Variants in L3MBTL3 observed in about 807,000 individuals in gnomAD.
L3MBTL3 encodes L3MBTL histone methyl-lysine binding protein 3.
A neutral mutation model predicts 102.3 loss-of-function variants in L3MBTL3; 27 were observed. The observed-to-expected ratio is 0.26, with a 90% CI of 0.19 to 0.36. L3MBTL3 has a LOEUF of 0.36. Ranked by LOEUF, L3MBTL3 falls within the 10% of genes least tolerant of loss-of-function variation. The probability of loss-of-function intolerance (pLI) is 1.00; values close to 1 mark genes in which losing one functional copy is unlikely to be tolerated. For synonymous variants in L3MBTL3, 340 were observed against 320.9 expected (o/e 1.06, Z -0.64); for missense variants, 798 against 955.3 (o/e 0.84, Z 2.17).
chr6:130,087,391 A>AT (rs1393971824), intron 16 of L3MBTL3, among the ~76,000 whole-genome samples: 2 of 152,138 alleles, frequency 1.3e-5, no homozygotes, highest in Non-Finnish European at 2.9e-5. Context: ...AACTAGAAGT[A>AT]TTTTTTAAAA....
intron 15 of L3MBTL3, among the ~76,000 whole-genome samples, chr6:130,084,684 A>G (rs1783568232): frequency 6.6e-6 from 1 of 152,202 alleles, no homozygotes; most frequent in African/African-American, 2.4e-5. Context: ...ATTACACTTC[A>G]CTTTAAACGA....
chr6:130,099,066 G>A (rs1473030051), intron 18 of L3MBTL3, among the ~76,000 whole-genome samples: 3 of 151,884 alleles, frequency 2.0e-5, no homozygotes, highest in South Asian at 2.1e-4. Flanking sequence ...CAGTGAATAA[G>A]GCATCCTTCT....
At chr6:130,083,238 A>T (rs1051612199) in intron 14 of L3MBTL3, among the ~76,000 whole-genome samples, 7 of 152,154 alleles carry the variant, frequency 4.6e-5, no homozygotes, top group Non-Finnish European at 8.8e-5. Flanking sequence ...ACATTTGTAT[A>T]TTGAAGGTCA....
intron 2 of L3MBTL3, among the ~76,000 whole-genome samples, chr6:130,039,755 A>T (rs1432023946): frequency 6.6e-6 from 1 of 152,154 alleles, no homozygotes; most frequent in African/African-American, 2.4e-5. Flanking sequence ...AATCTCTTTA[A>T]TGTCTAATTT....
intron 9 of L3MBTL3, among the ~76,000 whole-genome samples, chr6:130,058,401 G>A (rs1367019802): frequency 6.6e-6 from 1 of 151,822 alleles, no homozygotes; most frequent in East Asian, 1.9e-4. Flanking sequence ...ACTTTGGGAA[G>A]TTGAGGCAGT....
chr6:130,094,341 G>A lies in L3MBTL3; in HGVS notation c.1710G>A (p.Lys570=). The change falls in exon 18 of 23, where the codon AAG becomes AAA. Residue 570 remains lysine, a synonymous_variant. Coordinates refer to ENST00000361794, the MANE Select transcript of L3MBTL3 (RefSeq NM_032438.4). ...TPGCKGIGHF[K]RARHLGPHSA... ...GATGTAAAGGGATTGGCCATTTCAA[G>A]AGAGCGAGACATCTGGGCCCTCACA... The A allele has an allele frequency of 6.2e-7, 1 of 1,613,806 alleles. No individual in the cohort carries two copies. Among genetic ancestry groups the A allele is most frequent in the African/African-American group, 1.3e-5 (1 of 75,038 alleles).
At chr6:130,029,515 T>G (rs1454982227) in intron 2 of L3MBTL3, among the ~76,000 whole-genome samples, 1 of 152,144 alleles carries the variant, frequency 6.6e-6, no homozygotes, top group Non-Finnish European at 1.5e-5. Context: ...TTGTTGGCAG[T>G]TAAATTTTTT....
chr6:130,074,519 G>A (rs1047414448), intron 13 of L3MBTL3, among the ~76,000 whole-genome samples: 1 of 152,180 alleles, frequency 6.6e-6, no homozygotes, highest in Non-Finnish European at 1.5e-5. Flanking sequence ...TCAGTACCAC[G>A]GGGAGGGTAC....
intron 20 of L3MBTL3, among the ~76,000 whole-genome samples, chr6:130,125,007 A>T (rs1786500079): frequency 6.6e-6 from 1 of 152,070 alleles, no homozygotes; most frequent in African/African-American, 2.4e-5. Flanking sequence ...TTAACAGCTC[A>T]TTTGGTAACC....
intron 11 of L3MBTL3, among the ~76,000 whole-genome samples, chr6:130,067,842 C>G (rs1287285108): frequency 6.6e-6 from 1 of 152,294 alleles, no homozygotes; most frequent in African/African-American, 2.4e-5. Context: ...AATTTGCCAG[C>G]ATCCTTACTT....
chr6:130,107,224 TCAC>T, intron 19 of L3MBTL3, among the ~76,000 whole-genome samples: 2 of 152,090 alleles, frequency 1.3e-5, no homozygotes, highest in African/African-American at 4.8e-5. Context: ...CTTGACTCAC[TCAC>T]TTTCTGTACC....
Position 130,068,430 on chromosome 6 carries a change from A to G in L3MBTL3, c.1092+9A>G, listed in dbSNP as rs1244098147. 2.7e-6 allele frequency: 4 copies of G among 1,459,550 alleles called. No homozygotes were observed. The highest frequency in any genetic ancestry group is 1.7e-4 in the Middle Eastern group (1 of 5,768). The allele number at this position is 1,459,550 out of a possible 1,614,324, so 90.4% of individuals were successfully genotyped here. A position where few individuals can be genotyped will look rare whatever the true frequency, so the allele number is the denominator to read the frequency against. On this transcript the variant is annotated intron_variant, in intron 12 of 22. Coordinates refer to ENST00000361794, the MANE Select transcript of L3MBTL3 (RefSeq NM_032438.4). ...TTGAAAATCAGAATATAGTAAGTAC[A>G]TACGAAACACGTTTTCTTTCAAAGG...
intron 13 of L3MBTL3, among the ~76,000 whole-genome samples, chr6:130,073,647 G>A (rs1468943355): frequency 2.0e-5 from 3 of 152,110 alleles, no homozygotes; most frequent in African/African-American, 4.8e-5. Context: ...AAACATTCAT[G>A]TGGAAAAAAA....
chr6:130,054,538 G>A (rs1203466379), intron 7 of L3MBTL3, among the ~76,000 whole-genome samples: 1 of 152,168 alleles, frequency 6.6e-6, no homozygotes, highest in Non-Finnish European at 1.5e-5. Context: ...AGTGTGTGAG[G>A]AAAAGAGAAA....
chr6:130,093,532 A>G (rs375676354), intron 17 of L3MBTL3, among the ~76,000 whole-genome samples: 6 of 152,222 alleles, frequency 3.9e-5, no homozygotes, highest in African/African-American at 1.4e-4. Context: ...AGTGTAGCCT[A>G]TTTAGAATAA....
At chr6:130,019,854 C>G (rs924289938) in intron 1 of L3MBTL3, among the ~76,000 whole-genome samples, 5 of 137,966 alleles carry the variant, frequency 3.6e-5, no homozygotes, top group African/African-American at 1.0e-4. Context: ...CGGCGGCCGT[C>G]CGCGCGGGAG....
chr6:130,098,907 G>A (rs1932103), intron 18 of L3MBTL3, among the ~76,000 whole-genome samples: 9,304 of 147,150 alleles, frequency 0.063, 429 homozygotes, highest in Non-Finnish European at 0.1. Context: ...TCAGGACAGA[G>A]TGCGAAAATG....
chr6:130,074,463 T>C (rs936667754), intron 13 of L3MBTL3, among the ~76,000 whole-genome samples: 4 of 152,172 alleles, frequency 2.6e-5, no homozygotes, highest in African/African-American at 7.2e-5. Context: ...CTAGATGTAA[T>C]AGAATATTGC....
intron 20 of L3MBTL3, 148 bp downstream of exon 20, chr6:130,121,106 T>C (rs1786150553): frequency 1.7e-6 from 1 of 591,536 alleles, no homozygotes; most frequent in East Asian, 2.9e-5. Flanking sequence ...CAGGGATACA[T>C]GTGAAGGTTT....
Sources: gnomAD v4.1 joint callset for allele counts (sites outside exome capture counted in the v4.1 genomes callset) on GRCh38, gnomAD v4.1.1 for gene constraint, MANE v1.5 for transcripts, NCBI Gene and HGNC (gene_info 2026-07-23, HGNC 2026-07-21) for gene names.